The following NCKAP5 variants were observed in gnomAD, a reference collection of about 807,000 sequenced individuals.
NCKAP5 encodes the protein nck-associated protein 5.
Under a neutral mutation model 167.0 loss-of-function variants are expected in NCKAP5, and 92 were observed. That is an observed-to-expected ratio of 0.55 (90% CI 0.47 to 0.66). The LOEUF is 0.66. Among genes scored for constraint, NCKAP5 ranks in the 30% least tolerant of loss-of-function variants. The pLI is 0.00. For synonymous variants in NCKAP5, 891 were observed against 877.4 expected (o/e 1.02, Z -0.27); for missense variants, 2,378 against 2,315.0 (o/e 1.03, Z -0.56).
intron 19 of NCKAP5, among the ~76,000 whole-genome samples, chr2:132,719,827 C>G (rs1048287472): frequency 6.6e-6 from 1 of 152,150 alleles, no homozygotes; most frequent in Non-Finnish European, 1.5e-5. Context: ...TGTACTCCTA[C>G]AAGGATGGCG....
chr2:133,422,479 CGA>C (rs1559472695), intron 3 of NCKAP5, among the ~76,000 whole-genome samples: 1 of 152,050 alleles, frequency 6.6e-6, no homozygotes, highest in African/African-American at 2.4e-5. Flanking sequence ...TTCCAAGAGC[CGA>C]GAGAGCAGAT....
intron 12 of NCKAP5, among the ~76,000 whole-genome samples, chr2:132,795,171 T>G (rs1487183833): frequency 6.6e-6 from 1 of 152,144 alleles, no homozygotes; most frequent in Non-Finnish European, 1.5e-5. Flanking sequence ...CCTATCAATA[T>G]AACATTCTGA....
chr2:132,710,937 C>G (rs1006787), intron 19 of NCKAP5, among the ~76,000 whole-genome samples: 2 of 152,014 alleles, frequency 1.3e-5, no homozygotes, highest in South Asian at 4.2e-4. Flanking sequence ...AATATTGTTT[C>G]GCTTATGCTT....
chr2:133,249,377 A>G (rs2088181912), intron 4 of NCKAP5, among the ~76,000 whole-genome samples: 1 of 152,206 alleles, frequency 6.6e-6, no homozygotes, highest in South Asian at 2.1e-4. Context: ...AACAACCACT[A>G]GAAAGTGGGG....
chr2:133,108,596 A>C (rs1460116450), intron 6 of NCKAP5, among the ~76,000 whole-genome samples: 1 of 152,194 alleles, frequency 6.6e-6, no homozygotes, highest in Non-Finnish European at 1.5e-5. Context: ...AATACTTTTA[A>C]AAACCTTAAC....
At chr2:133,274,576 T>A (rs765105418) in intron 4 of NCKAP5, among the ~76,000 whole-genome samples, 7 of 151,954 alleles carry the variant, frequency 4.6e-5, no homozygotes, top group Non-Finnish European at 1.0e-4. Flanking sequence ...ATGTGAAACC[T>A]CTAACATTCC....
the NCKAP5 span, among the ~76,000 whole-genome samples, chr2:133,618,790 C>T: frequency 7.0e-6 from 1 of 143,830 alleles, no homozygotes; most frequent in Non-Finnish European, 1.5e-5. Context: ...TTTGACCCAG[C>T]CATCCCATTA....
chr2:133,474,664 C>T (rs911904148), intron 3 of NCKAP5, among the ~76,000 whole-genome samples: 3 of 152,068 alleles, frequency 2.0e-5, no homozygotes, highest in Admixed American at 6.6e-5. Context: ...TTAAAATGTA[C>T]AATTTTTGTA....
chr2:133,287,780 G>A (rs963663865), intron 4 of NCKAP5, among the ~76,000 whole-genome samples: 2 of 152,218 alleles, frequency 1.3e-5, no homozygotes, highest in Non-Finnish European at 2.9e-5. Context: ...GAAGAGGTAG[G>A]GAGGCAGGAA....
At chr2:133,072,254 T>C (rs113029252) in intron 6 of NCKAP5, among the ~76,000 whole-genome samples, 3,628 of 152,194 alleles carry the variant, frequency 0.024, 149 homozygotes, top group African/African-American at 0.083. Flanking sequence ...CCCAGCTAAT[T>C]ATTGTATTTT....
rs531685430 is a variant in NCKAP5, at chr2:133,260,282, A to G, written c.143+42755T>C. On this transcript the variant is annotated intron_variant, in intron 4 of 19. Transcript: ENST00000409261. The stretch of plus-strand genomic sequence containing the variant: ...CACCTAATAACCATCTGTTGAGTAA[A>G]CTAATAAATGAACAGATGAGTGAAA... 3.3e-5 allele frequency among the ~76,000 whole-genome samples: 5 copies of G among 152,312 alleles called. No homozygotes were observed. The South Asian group carries it at 1.0e-3, about 32-fold the overall frequency.
At chr2:132,974,623 C>T (rs1407410983) in intron 7 of NCKAP5, among the ~76,000 whole-genome samples, 2 of 152,168 alleles carry the variant, frequency 1.3e-5, no homozygotes, top group Non-Finnish European at 2.9e-5. Context: ...TCGGTGACCT[C>T]TTTTGGACTT....
In NCKAP5 at chr2:132,728,322, A is replaced by G. The variant is rs182316935; in HGVS notation, c.5580+494T>C. 1.9e-3 allele frequency among the ~76,000 whole-genome samples: 296 copies of G among 152,214 alleles called. 4 individuals carry two copies. Among genetic ancestry groups the G allele is most frequent in the Non-Finnish European group, 5.4e-4 (37 of 68,016 alleles). On this transcript the variant is annotated intron_variant, in intron 18 of 19. Transcript: ENST00000409261. ...TGTGTCATCTCAGGGCAGATGAAGA[A>G]CCCACTGCAAAAATGAAACTCAGGG...
intron 8 of NCKAP5, among the ~76,000 whole-genome samples, chr2:132,907,167 A>G (rs2148935380): frequency 6.6e-6 from 1 of 152,366 alleles, no homozygotes; most frequent in African/African-American, 2.4e-5. Context: ...TATTTAGAAC[A>G]ACATAAGGAA....
chr2:133,649,274 C>A, the NCKAP5 span, among the ~76,000 whole-genome samples: 2 of 150,440 alleles, frequency 1.3e-5, no homozygotes, highest in African/African-American at 2.4e-5. Flanking sequence ...AAGTTCAGGA[C>A]CAGATGACTG....
Position 132,781,360 on chromosome 2 carries a change from G to C in NCKAP5, c.4872-131C>G. 4.0e-6 allele frequency: 3 copies of C among 748,346 alleles called. No individual in the cohort carries two copies. In the East Asian group the frequency reaches 8.5e-5, roughly 21 times the overall value. The allele number at this position is 748,346 out of a possible 1,614,324, so 46.4% of individuals were successfully genotyped here. On this transcript the variant is annotated intron_variant, in intron 14 of 19. Transcript: ENST00000409261. Reference sequence around the variant, plus strand: ...TGTCTTTAAACCTTTGACGGATAAGGGTTTCTCATGGGCCTTGATCAAATC... The same window carrying C: ...TGTCTTTAAACCTTTGACGGATAAGCGTTTCTCATGGGCCTTGATCAAATC...
intron 4 of NCKAP5, among the ~76,000 whole-genome samples, chr2:133,218,528 G>C (rs2086527673): frequency 6.6e-6 from 1 of 152,174 alleles, no homozygotes; most frequent in Non-Finnish European, 1.5e-5. Flanking sequence ...GAGATACCCA[G>C]GGTCCCAGGA....
At chr2:133,669,680 AT>A in the NCKAP5 span, among the ~76,000 whole-genome samples, 1 of 152,222 alleles carries the variant, frequency 6.6e-6, no homozygotes, top group Admixed American at 6.5e-5. Context: ...AGACTTGAAA[AT>A]TTTAACCAAA....
At chr2:133,440,682 C>A (rs906930054) in intron 3 of NCKAP5, among the ~76,000 whole-genome samples, 86 of 135,928 alleles carry the variant, frequency 6.3e-4, no homozygotes, top group African/African-American at 2.4e-3. Context: ...TGCACTCCAG[C>A]CTGGGCGACA....
Sources: allele counts gnomAD v4.1 joint callset (sites outside exome capture counted in the v4.1 genomes callset), GRCh38; gene constraint gnomAD v4.1.1; transcripts MANE v1.5; gene names NCBI Gene and HGNC (gene_info 2026-07-23, HGNC 2026-07-21).